Variants in TP53I13 observed in about 807,000 individuals in gnomAD.
TP53I13 encodes tumor protein p53 inducible protein 13, also known as tumor protein p53-inducible protein 13.
Under a neutral mutation model 39.1 loss-of-function variants are expected in TP53I13, and 27 were observed. The observed-to-expected ratio is 0.69, with a 90% confidence interval of 0.51 to 0.95. TP53I13 has a LOEUF of 0.95. Ranked by LOEUF, TP53I13 falls within the 40% of genes least tolerant of loss-of-function variation. The pLI is 0.00. For missense variants in TP53I13, 544 were observed against 520.4 expected (o/e 1.05, Z -0.44); for synonymous variants, 230 against 224.6 (o/e 1.02, Z -0.22).
At chr17:29,574,433 G>T, downstream of TP53I13, 1 of 503,786 alleles carries the variant, frequency 2.0e-6, no homozygotes, top group East Asian at 3.5e-5. Context: ...GTGATGCCTT[G>T]CAGGCCCCTG....
At chr17:29,580,672 T>C in the TP53I13 span, among the ~76,000 whole-genome samples, 2 of 152,148 alleles carry the variant, frequency 1.3e-5, no homozygotes, top group African/African-American at 4.8e-5. Context: ...CACCCATCTT[T>C]TCAGCGAAGA....
chr17:29,574,595 G>C, downstream of TP53I13: 1 of 972,460 alleles, frequency 1.0e-6, no homozygotes, highest in South Asian at 1.3e-5. Context: ...CAGCACTAAG[G>C]GCACTTGTGC....
upstream of TP53I13, chr17:29,566,836 C>G (rs778218601): frequency 1.8e-5 from 28 of 1,516,096 alleles, no homozygotes; most frequent in East Asian, 6.8e-4. Flanking sequence ...CCCGTCGTCT[C>G]GGTCTTGGGC....
chr17:29,579,227 G>A, the TP53I13 span: 1 of 567,874 alleles, frequency 1.8e-6, no homozygotes, highest in African/African-American at 1.9e-5. Flanking sequence ...GTCACCTGAA[G>A]CCTCCCTCAC....
At chr17:29,566,552 A>T, upstream of TP53I13, 4 of 1,609,528 alleles carry the variant, frequency 2.5e-6, no homozygotes, top group Non-Finnish European at 3.4e-6. Flanking sequence ...CCTACCACCC[A>T]GTCCAGGGCC....
At chr17:29,576,710 G>A, downstream of TP53I13, 1 of 1,611,706 alleles carries the variant, frequency 6.2e-7, no homozygotes, top group Non-Finnish European at 8.5e-7. Context: ...AGCACCTGGG[G>A]GCAGGGAGGC....
At chr17:29,575,661 C>T (rs998211945), downstream of TP53I13, 1 of 1,612,650 alleles carries the variant, frequency 6.2e-7, no homozygotes, top group African/African-American at 1.3e-5. This position sits in a 1 kb window ranked among gnomAD's most constrained non-coding sequence, Gnocchi z 5.5. Flanking sequence ...TGCGTGTTCT[C>T]ATAGTCACTG....
At chr17:29,580,795 C>T in the TP53I13 span, among the ~76,000 whole-genome samples, 12 of 148,678 alleles carry the variant, frequency 8.1e-5, no homozygotes, top group East Asian at 1.6e-3. Context: ...TTTTTTGAGA[C>T]GGAGTTTGGA....
At position 29,568,748 on chromosome 17, in the gene TP53I13, G is replaced by T. The variant is rs1458589080; in HGVS notation, c.-11G>T. 2 of 1,566,340 alleles carry T rather than the reference G, an allele frequency of 1.3e-6. No individual in the cohort carries two copies. Among genetic ancestry groups the T allele is most frequent in the Non-Finnish European group, 1.7e-6 (2 of 1,165,866 alleles). The stretch of plus-strand genomic sequence containing the variant: ...CGGCTGGGCGGCGGGCCGGGCCCGG[G>T]GCCGCTTGGAATGGCGCCTCCTCCG... On this transcript the variant is annotated 5_prime_UTR_variant, in exon 1 of 7. Coordinates refer to ENST00000301057, the MANE Select transcript of TP53I13 (RefSeq NM_138349.4). The surrounding 1 kb of genome is among the most constrained non-coding windows in gnomAD (Gnocchi z 4.5).
At chr17:29,569,567 G>C in intron 3 of TP53I13, 1 of 510,764 alleles carries the variant, frequency 2.0e-6, no homozygotes. Context: ...CCATAGGCCT[G>C]TCATCTGCAA....
the TP53I13 span, chr17:29,578,880 A>G: frequency 6.4e-7 from 1 of 1,557,866 alleles, no homozygotes; most frequent in Middle Eastern, 1.7e-4. Flanking sequence ...TCCCGGGGAG[A>G]TGGCACCCCA....
chr17:29,566,870 C>A (rs2032728988), upstream of TP53I13: 1 of 1,503,942 alleles, frequency 6.6e-7, no homozygotes, highest in Non-Finnish European at 8.8e-7. Context: ...CTCTCTCCGA[C>A]GGCGCGCCCC....
chr17:29,570,218 CTT>C (rs1383660215), intron 3 of TP53I13, among the ~76,000 whole-genome samples: 3 of 134,756 alleles, frequency 2.2e-5, no homozygotes, highest in Admixed American at 1.4e-4. Flanking sequence ...AAATACCTAA[CTT>C]AAATTGGCCA....
chr17:29,577,114 C>A (rs1889414328), downstream of TP53I13: 1 of 1,609,854 alleles, frequency 6.2e-7, no homozygotes, highest in Non-Finnish European at 8.5e-7. Flanking sequence ...GCTTCCCACA[C>A]CCTCCCACAC....
At chr17:29,576,150 C>G, downstream of TP53I13, 1 of 1,613,336 alleles carries the variant, frequency 6.2e-7, no homozygotes. Flanking sequence ...GTTAGCACAG[C>G]GAGCGTCATG....
the TP53I13 span, chr17:29,581,803 C>A: frequency 6.2e-7 from 1 of 1,612,694 alleles, no homozygotes; most frequent in East Asian, 2.2e-5. The surrounding 1 kb of genome is among the most constrained non-coding windows in gnomAD (Gnocchi z 4.8). Flanking sequence ...GGCACTCAAC[C>A]AGCCTTTCCG....
downstream of TP53I13, chr17:29,576,104 C>A: frequency 6.2e-7 from 1 of 1,613,806 alleles, no homozygotes; most frequent in Non-Finnish European, 8.5e-7. Context: ...GGGACGTGCA[C>A]TGAATAGATG....
At chr17:29,577,366 C>A, downstream of TP53I13, 1 of 811,716 alleles carries the variant, frequency 1.2e-6, no homozygotes, top group South Asian at 1.6e-5. Flanking sequence ...CTAAAGCGTC[C>A]CAGCCTAGCT....
the TP53I13 span, chr17:29,581,780 G>C: frequency 1.1e-5 from 17 of 1,612,110 alleles, no homozygotes; most frequent in Non-Finnish European, 1.4e-5. This position sits in a 1 kb window ranked among gnomAD's most constrained non-coding sequence, Gnocchi z 4.8. Flanking sequence ...CAGCCGGTCA[G>C]TGAGCTCATA....
Sources: allele counts gnomAD v4.1 joint callset (sites outside exome capture counted in the v4.1 genomes callset), GRCh38; gene constraint gnomAD v4.1.1; non-coding constraint Gnocchi (gnomAD v3.1); transcripts MANE v1.5; gene names NCBI Gene and HGNC (gene_info 2026-07-23, HGNC 2026-07-21).